Variants in ERC2 observed in about 807,000 individuals in gnomAD.
ERC2 encodes ERC protein 2.
Under a neutral mutation model 114.8 loss-of-function variants are expected in ERC2, and 42 were observed. The ratio of observed to expected loss-of-function variants is 0.37; its 90% CI spans 0.29 to 0.47. ERC2 has a LOEUF of 0.47. Ranked by LOEUF, ERC2 falls within the 20% of genes least tolerant of loss-of-function variation. The probability of loss-of-function intolerance (pLI) is 0.99; values close to 1 mark genes in which losing one functional copy is unlikely to be tolerated. For synonymous variants in ERC2, 454 were observed against 425.5 expected, an observed-to-expected ratio of 1.07 and a Z score of -0.82; for missense variants, 939 against 1,150.7, an observed-to-expected ratio of 0.82 and a Z score of 2.66.
At chr3:56,337,616 T>C (rs1048831810) in intron 2 of ERC2, among the ~76,000 whole-genome samples, 1 of 152,172 alleles carries the variant, frequency 6.6e-6, no homozygotes, top group African/African-American at 2.4e-5. Context: ...GCCACCAAAA[T>C]TGGGGATTAG....
chr3:56,070,912 C>T (rs1307406269), intron 7 of ERC2, among the ~76,000 whole-genome samples: 1 of 152,154 alleles, frequency 6.6e-6, no homozygotes, highest in Non-Finnish European at 1.5e-5. Context: ...GACTGGACCA[C>T]TACTCCTAGC....
intron 17 of ERC2, among the ~76,000 whole-genome samples, chr3:55,580,257 G>A (rs1330704903): frequency 6.6e-6 from 1 of 151,006 alleles, no homozygotes; most frequent in African/African-American, 2.4e-5. Context: ...TCTTGGGGAA[G>A]CTTGAATCCT....
chr3:56,033,584 G>GACATC (rs2074610341), intron 7 of ERC2, among the ~76,000 whole-genome samples: 1 of 152,064 alleles, frequency 6.6e-6, no homozygotes, highest in Non-Finnish European at 1.5e-5. Flanking sequence ...AACTTCCATG[G>GACATC]ATTTTGTTTG....
intron 13 of ERC2, among the ~76,000 whole-genome samples, chr3:55,935,456 A>C (rs1264264609): frequency 6.6e-6 from 1 of 152,188 alleles, no homozygotes. Context: ...ACCACTGTGC[A>C]TTTGCTGAAT....
chr3:56,062,548 T>C (rs1014250897), intron 7 of ERC2, among the ~76,000 whole-genome samples: 1 of 152,188 alleles, frequency 6.6e-6, no homozygotes, highest in Non-Finnish European at 1.5e-5. Context: ...ATAATAATGA[T>C]ACAAGGCCCT....
chr3:55,615,087 T>C (rs1229549580), intron 17 of ERC2, among the ~76,000 whole-genome samples: 1 of 152,200 alleles, frequency 6.6e-6, no homozygotes, highest in Non-Finnish European at 1.5e-5. Flanking sequence ...AAATATATTA[T>C]TTAGTTTTTA....
intron 2 of ERC2, among the ~76,000 whole-genome samples, chr3:56,367,843 G>A (rs2059208391): frequency 6.6e-6 from 1 of 151,344 alleles, no homozygotes; most frequent in African/African-American, 2.4e-5. Context: ...GAGCTGAGAT[G>A]GGAGGACTGT....
At chr3:55,776,905 A>C (rs962064166) in intron 14 of ERC2, among the ~76,000 whole-genome samples, 2 of 152,174 alleles carry the variant, frequency 1.3e-5, no homozygotes, top group African/African-American at 4.8e-5. Flanking sequence ...TTTTTCCGTG[A>C]ATGTGATTCC....
intron 3 of ERC2, among the ~76,000 whole-genome samples, chr3:56,188,741 C>T (rs1173014674): frequency 6.6e-6 from 1 of 152,206 alleles, no homozygotes; most frequent in African/African-American, 2.4e-5. Context: ...CTCTCCCAGC[C>T]TAAATCTTTT....
intron 13 of ERC2, among the ~76,000 whole-genome samples, chr3:55,916,929 C>T (rs1170248800): frequency 6.6e-6 from 1 of 152,084 alleles, no homozygotes; most frequent in African/African-American, 2.4e-5. Flanking sequence ...AATGAGTAAA[C>T]AGTTTAATTA....
intron 14 of ERC2, among the ~76,000 whole-genome samples, chr3:55,796,077 T>G (rs1312470406): frequency 6.6e-6 from 1 of 152,150 alleles, no homozygotes; most frequent in Non-Finnish European, 1.5e-5. Context: ...TTGTGGTGGT[T>G]GAGGGGGGAG....
At chr3:55,890,501 C>G (rs2063550979) in intron 13 of ERC2, among the ~76,000 whole-genome samples, 2 of 152,222 alleles carry the variant, frequency 1.3e-5, no homozygotes, top group Non-Finnish European at 2.9e-5. Context: ...TCTATAGACA[C>G]AGAGCTACTC....
At chr3:55,593,902 A>G (rs995545901) in intron 17 of ERC2, among the ~76,000 whole-genome samples, 1 of 152,082 alleles carries the variant, frequency 6.6e-6, no homozygotes, top group African/African-American at 2.4e-5. Flanking sequence ...TCTCTCAAGT[A>G]TTCCTCGACT....
intron 4 of ERC2, among the ~76,000 whole-genome samples, chr3:56,159,855 G>A (rs138295455): frequency 6.6e-6 from 1 of 152,262 alleles, no homozygotes; most frequent in Non-Finnish European, 1.5e-5. Flanking sequence ...TTTTATGGCT[G>A]TATATAGTAT....
At chr3:56,367,365 A>G (rs1230131295) in intron 2 of ERC2, among the ~76,000 whole-genome samples, 2 of 151,898 alleles carry the variant, frequency 1.3e-5, no homozygotes, top group Non-Finnish European at 2.9e-5. Flanking sequence ...CACAAACTAG[A>G]TTCATTTCCC....
chr3:56,253,889 G>C (rs879654151), intron 3 of ERC2, among the ~76,000 whole-genome samples: 10 of 152,130 alleles, frequency 6.6e-5, no homozygotes, highest in Non-Finnish European at 1.2e-4. Context: ...GGGCTACAGA[G>C]GAAGATCTTG....
intron 17 of ERC2, among the ~76,000 whole-genome samples, chr3:55,670,606 C>A (rs2061520044): frequency 6.6e-6 from 1 of 152,188 alleles, no homozygotes; most frequent in Non-Finnish European, 1.5e-5. Flanking sequence ...AGCTTTGTGA[C>A]TTTGGGCAAA....
intron 17 of ERC2, among the ~76,000 whole-genome samples, chr3:55,653,456 A>G (rs2060725108): frequency 6.6e-6 from 1 of 152,230 alleles, no homozygotes; most frequent in South Asian, 2.1e-4. Context: ...AAAGAGCACC[A>G]CAAAGCAATG....
At chr3:55,911,171 T>G (rs948875036) in intron 13 of ERC2, among the ~76,000 whole-genome samples, 1 of 152,034 alleles carries the variant, frequency 6.6e-6, no homozygotes, top group African/African-American at 2.4e-5. Context: ...ACCTCAAATT[T>G]ACAAATTTAA....
Sources: gnomAD v4.1 joint callset for allele counts (sites outside exome capture counted in the v4.1 genomes callset) on GRCh38, gnomAD v4.1.1 for gene constraint, MANE v1.5 for transcripts, NCBI Gene and HGNC (gene_info 2026-07-23, HGNC 2026-07-21) for gene names.